LASP1: variants seen among roughly 807,000 people sequenced by gnomAD.
LASP1 encodes the protein LIM and SH3 domain protein 1.
LASP1 carries 10 observed loss-of-function variants against 38.6 expected under a neutral mutation model. That is an observed-to-expected ratio of 0.26 (90% CI 0.16 to 0.44). The LOEUF (loss-of-function observed/expected upper bound fraction) is 0.44. Among genes scored for constraint, LASP1 ranks in the 20% least tolerant of loss-of-function variants. The probability of loss-of-function intolerance (pLI) is 1.00; values close to 1 mark genes in which losing one functional copy is unlikely to be tolerated. For synonymous variants in LASP1, 132 were observed against 140.8 expected (o/e 0.94, Z 0.44); for missense variants, 243 against 375.7 (o/e 0.65, Z 2.92).
rs762386239 is a variant in LASP1, at chr17:38,870,204, C to T, written c.15C>T (p.Cys5=). Residue 5 remains cysteine (C), a synonymous_variant, in exon 1 of 7, where the codon TGC becomes TGT. Coordinates refer to ENST00000318008, the MANE Select transcript of LASP1 (RefSeq NM_006148.4). ...TTCTCGGAACCATGAACCCCAACTG[C>T]GCCCGGTGCGGCAAGATCGTGTATC... MNPN[C]ARCGKIVYPT... 9 of 1,613,900 alleles carry T rather than the reference C, an allele frequency of 5.6e-6. No individual in the cohort carries two copies. The highest frequency in any genetic ancestry group is 1.7e-4 in the Middle Eastern group (1 of 6,060).
At chr17:38,891,330 G>C in intron 3 of LASP1, among the ~76,000 whole-genome samples, 1 of 152,118 alleles carries the variant, frequency 6.6e-6, no homozygotes, top group East Asian at 1.9e-4. Flanking sequence ...TTCCACCCGG[G>C]CCACAGAGGG....
intron 6 of LASP1, chr17:38,916,177 A>G (rs1193512553): frequency 3.3e-5 from 5 of 152,378 alleles, no homozygotes; most frequent in African/African-American, 4.8e-5. Context: ...CAAGAAAACA[A>G]TAAGAAAATA....
intron 2 of LASP1, among the ~76,000 whole-genome samples, chr17:38,882,798 A>G (rs1913993492): frequency 1.3e-5 from 2 of 151,984 alleles, no homozygotes; most frequent in Non-Finnish European, 2.9e-5. Context: ...AGCCAGGGAA[A>G]CCAGCTTGTG....
chr17:38,907,755 A>G (rs1212746478), intron 4 of LASP1, among the ~76,000 whole-genome samples: 1 of 152,218 alleles, frequency 6.6e-6, no homozygotes. Context: ...ACACTTATCC[A>G]TGTGTAATGA....
intron 2 of LASP1, among the ~76,000 whole-genome samples, chr17:38,882,815 C>G (rs747987668): frequency 3.9e-5 from 6 of 152,090 alleles, no homozygotes; most frequent in Non-Finnish European, 5.9e-5. Flanking sequence ...TGTGAGGTGT[C>G]AAGTGGGAGG....
intron 3 of LASP1, among the ~76,000 whole-genome samples, chr17:38,897,409 C>T (rs978806966): frequency 2.6e-5 from 4 of 152,176 alleles, no homozygotes; most frequent in Non-Finnish European, 4.4e-5. Flanking sequence ...GTGCAGCCCC[C>T]GTGGAGGAAA....
At chr17:38,892,975 G>A (rs76456039) in intron 3 of LASP1, among the ~76,000 whole-genome samples, 3,111 of 150,798 alleles carry the variant, frequency 0.021, 116 homozygotes, top group African/African-American at 0.07. Context: ...GTGTGTGTGC[G>A]TGTGCACGCA....
In LASP1 at chr17:38,870,254, A is replaced by G; in HGVS notation, c.65A>G (p.Asp22Gly). The change falls in exon 1 of 7, where the codon GAT (aspartate) becomes GGT (glycine). Residue 22 changes from aspartate to glycine, a missense_variant. By Grantham distance (94) the Asp-to-Gly change is moderately conservative. This residue lies in a region of LASP1 where 43 missense variants were observed against 108.3 expected (regional missense o/e 0.40). Transcript: ENST00000318008. ...CCCACGGAGAAGGTGAACTGTCTGG[A>G]TAAGGTGAGCCCGGGACCGGGAGAC... ...VYPTEKVNCL[D>G]KFWHKACFHC... 6.2e-7 allele frequency: 1 copy of G among 1,613,364 alleles called. No individual in the cohort carries two copies. The highest frequency in any genetic ancestry group is 8.5e-7 in the Non-Finnish European group (1 of 1,179,570).
intron 3 of LASP1, among the ~76,000 whole-genome samples, chr17:38,892,925 G>T (rs533089195): frequency 6.6e-6 from 1 of 152,314 alleles, no homozygotes; most frequent in Admixed American, 6.5e-5. Context: ...CTTCATTAGG[G>T]CCTCACTGAG....
chr17:38,892,583 CACACA>C (rs1242038422), intron 3 of LASP1, among the ~76,000 whole-genome samples: 47 of 151,514 alleles, frequency 3.1e-4, no homozygotes, highest in Non-Finnish European at 4.9e-4. Flanking sequence ...CACACACACA[CACACA>C]CACCCTTCTC....
intron 3 of LASP1, among the ~76,000 whole-genome samples, chr17:38,891,051 GA>G (rs1183517326): frequency 1.3e-5 from 2 of 152,184 alleles, no homozygotes; most frequent in Non-Finnish European, 2.9e-5. Context: ...TGTAGGAGGG[GA>G]GGACGGGTTC....
chr17:38,901,368 G>T (rs996775691), intron 4 of LASP1, among the ~76,000 whole-genome samples: 1 of 152,222 alleles, frequency 6.6e-6, no homozygotes, highest in South Asian at 2.1e-4. Flanking sequence ...TGAGCTAATG[G>T]TCCTCTGCAG....
intron 4 of LASP1, among the ~76,000 whole-genome samples, chr17:38,905,402 C>T (rs992901454): frequency 1.6e-4 from 24 of 151,824 alleles, no homozygotes; most frequent in South Asian, 2.1e-4. Flanking sequence ...GTGGCGCACT[C>T]GGTGGCGCAA....
Position 38,914,425 on chromosome 17 carries a change from G to T in LASP1, c.458G>T (p.Arg153Leu). ...RRDSQDGSSYRRPLEQQQPHH... is the reference protein window; with the variant it reads ...RRDSQDGSSYLRPLEQQQPHH... ...GATTCACAGGACGGCAGCAGCTACC[G>T]GCGGCCCCTGGAGCAGCAGCAGCCT... Residue 153 changes from arginine (R) to leucine (L), a missense_variant, in exon 5 of 7, where the codon CGG becomes CTG. This residue lies in a region of LASP1 where 165 missense variants were observed against 210.3 expected (regional missense o/e 0.78). Coordinates refer to ENST00000318008, the MANE Select transcript of LASP1 (RefSeq NM_006148.4). The T allele has an allele frequency of 6.2e-7, 1 of 1,611,398 alleles. No homozygotes were observed. Among genetic ancestry groups the T allele is most frequent in the Non-Finnish European group, 8.5e-7 (1 of 1,179,834 alleles).
chr17:38,901,235 ACCT>A (rs1006628923), intron 4 of LASP1, among the ~76,000 whole-genome samples: 1 of 152,044 alleles, frequency 6.6e-6, no homozygotes, highest in Non-Finnish European at 1.5e-5. Flanking sequence ...AGCCTAAGCC[ACCT>A]CCTCTTCTTC....
chr17:38,883,521 G>T (rs1914011799), intron 2 of LASP1, among the ~76,000 whole-genome samples: 2 of 152,178 alleles, frequency 1.3e-5, no homozygotes, highest in South Asian at 4.1e-4. Flanking sequence ...GTGGGGGAGG[G>T]CAAGTGCAAA....
intron 2 of LASP1, among the ~76,000 whole-genome samples, chr17:38,885,760 T>A (rs774856859): frequency 4.6e-5 from 7 of 152,126 alleles, no homozygotes; most frequent in Non-Finnish European, 7.4e-5. Context: ...CATGCACACA[T>A]TTCCAGCCAT....
chr17:38,911,265 G>A (rs775753555), intron 4 of LASP1, among the ~76,000 whole-genome samples: 53 of 152,164 alleles, frequency 3.5e-4, no homozygotes, highest in Non-Finnish European at 5.0e-4. Context: ...CAGGGCCAGC[G>A]TCCCGAGGAT....
At chr17:38,879,723 C>T (rs1048639981) in intron 2 of LASP1, among the ~76,000 whole-genome samples, 17 of 152,172 alleles carry the variant, frequency 1.1e-4, no homozygotes, top group African/African-American at 3.1e-4. Flanking sequence ...TACCCCCTCC[C>T]GTTCCCTGGC....
Sources: gnomAD v4.1 joint callset for allele counts (sites outside exome capture counted in the v4.1 genomes callset) on GRCh38, gnomAD v4.1.1 for gene constraint, gnomAD v4.1.1 regional missense constraint, MANE v1.5 for transcripts, NCBI Gene and HGNC (gene_info 2026-07-23, HGNC 2026-07-21) for gene names.